ZNF534: variants seen among roughly 807,000 people sequenced by gnomAD.
The protein encoded by ZNF534 is KRAB domain only 3.
A neutral mutation model predicts 13.6 loss-of-function variants in ZNF534; 19 were observed. The ratio of observed to expected loss-of-function variants is 1.40; its 90% CI spans 0.97 to 2.05. The LOEUF (loss-of-function observed/expected upper bound fraction) is 2.05. Among genes scored for constraint, ZNF534 ranks in the 30% most tolerant of loss-of-function variants. The pLI is 0.00. For synonymous variants in ZNF534, 244 were observed against 273.8 expected (o/e 0.89, Z 1.07); for missense variants, 782 against 796.3 (o/e 0.98, Z 0.22).
rs1349850348 is a variant in ZNF534 at position 52,434,740 on chromosome 19, AAAAAAG to A, written c.143-337_143-332del. Among the ~76,000 whole-genome samples the A allele has an allele frequency of 2.6e-5, 4 of 151,668 alleles. No homozygotes were observed. In the East Asian group the frequency reaches 7.8e-4, roughly 29 times the overall value. ...AGTGAGACTCTGTCTCAAAAAAAAAAAAAAAGAAAGAAATGTCCCCTTTCTTCAGAT... is the reference window on the plus strand; with the variant it reads ...AGTGAGACTCTGTCTCAAAAAAAAAAAAAGAAATGTCCCCTTTCTTCAGAT... On this transcript the variant is annotated intron_variant, in intron 3 of 4. Coordinates refer to ENST00000433050, the MANE Select transcript of ZNF534 (RefSeq NM_001143938.3).
At chr19:52,445,724 CT>C, downstream of ZNF534, among the ~76,000 whole-genome samples, 1 of 10,742 alleles carries the variant, frequency 9.3e-5, no homozygotes, top group African/African-American at 3.4e-4. Flanking sequence ...CTAATTTACT[CT>C]TGCAGTCATT....
chr19:52,436,230 G>A (rs1599863016), intron 4 of ZNF534, among the ~76,000 whole-genome samples: 1 of 152,052 alleles, frequency 6.6e-6, no homozygotes, highest in Non-Finnish European at 1.5e-5. Context: ...GAGTCACCGT[G>A]CCCGGCCCTT....
At chr19:52,434,669 T>A (rs1292165696) in intron 3 of ZNF534, among the ~76,000 whole-genome samples, 7 of 148,726 alleles carry the variant, frequency 4.7e-5, no homozygotes. Context: ...AGGCAGGGGC[T>A]GCAGTGAGCT....
chr19:52,450,665 T>C (rs912130455), intron 4 of ZNF534, among the ~76,000 whole-genome samples: 3 of 144,944 alleles, frequency 2.1e-5, no homozygotes, highest in Admixed American at 7.0e-5. Flanking sequence ...CTATGAATTT[T>C]AGGAGTTTTT....
intron 2 of ZNF534, among the ~76,000 whole-genome samples, chr19:52,432,708 C>T (rs111804402): frequency 0.14 from 20,995 of 151,810 alleles, 1,782 homozygotes; most frequent in African/African-American, 0.25. Context: ...TCTCGGCTCA[C>T]TGCAACCTCT....
At chr19:52,447,173 C>G (rs1244592973), downstream of ZNF534, among the ~76,000 whole-genome samples, 3 of 152,180 alleles carry the variant, frequency 2.0e-5, no homozygotes, top group African/African-American at 7.2e-5. Context: ...AAAACCAGGA[C>G]AAAATGTCAT....
In ZNF534 at chr19:52,439,670, G is replaced by A. The variant is rs187989915; in HGVS notation, c.*224G>A. Among the ~76,000 whole-genome samples, 1,337 of 150,352 alleles carry A rather than the reference G, an allele frequency of 8.9e-3. 22 individuals carry two copies. Among genetic ancestry groups the A allele is most frequent in the African/African-American group, 0.031 (1,253 of 40,786 alleles). On this transcript the variant is annotated 3_prime_UTR_variant, in exon 5 of 5. Transcript: ENST00000433050. ...GCTACTCAGGAGGCTGAGGCAGGAGGATGGCATGAACCTGGGAGGCAGAGC... is the reference window on the plus strand; with the variant it reads ...GCTACTCAGGAGGCTGAGGCAGGAGAATGGCATGAACCTGGGAGGCAGAGC...
intron 4 of ZNF534, 96 bp from the exon 5 acceptor site, chr19:52,437,636 C>A: frequency 8.2e-7 from 1 of 1,224,712 alleles, no homozygotes; most frequent in Non-Finnish European, 1.1e-6. Context: ...CTGATAATTT[C>A]AATGTCTGAG....
In ZNF534 at chr19:52,433,787, G is replaced by A. The variant is rs1009014343; in HGVS notation, c.16-168G>A. 31 of 760,286 alleles carry A rather than the reference G, an allele frequency of 4.1e-5. No homozygotes were observed. In the Admixed American group the frequency reaches 4.4e-4, roughly 11 times the overall value. The allele number at this position is 760,286 out of a possible 1,614,324, so 47.1% of individuals were successfully genotyped here. On this transcript the variant is annotated intron_variant, in intron 2 of 4. Coordinates refer to ENST00000433050, the MANE Select transcript of ZNF534 (RefSeq NM_001143938.3). The stretch of plus-strand genomic sequence containing the variant: ...GAATGTCATCACTCCTTATGGAAAA[G>A]TATAATAAAACACAATCACAGACAC...
At chr19:52,446,876 T>C (rs1196065807), downstream of ZNF534, among the ~76,000 whole-genome samples, 1 of 152,174 alleles carries the variant, frequency 6.6e-6, no homozygotes, top group Non-Finnish European at 1.5e-5. Flanking sequence ...ACGTACAATT[T>C]ATTGTCTTAT....
intron 1 of ZNF534, among the ~76,000 whole-genome samples, chr19:52,430,606 A>G (rs145556755): frequency 1.4e-3 from 211 of 151,088 alleles, no homozygotes; most frequent in African/African-American, 4.9e-3. Flanking sequence ...GCTGGAGTGC[A>G]GTGTTAAAAT....
At chr19:52,451,850 G>T in exon 5 of ZNF534, 1 of 778,364 alleles carries the variant, frequency 1.3e-6, no homozygotes, top group Non-Finnish European at 2.2e-6. Context: ...GCTCATTTGT[G>T]AACGGATTTT....
At chr19:52,451,036 A>C (rs1599875059) in intron 4 of ZNF534, 2 of 467,290 alleles carry the variant, frequency 4.3e-6, no homozygotes, top group East Asian at 7.0e-5. Flanking sequence ...TGATATTTTG[A>C]AAGAGAATGT....
chr19:52,435,351 C>T (rs762976544), intron 4 of ZNF534, 142 bp downstream of exon 4: 45 of 1,029,536 alleles, frequency 4.4e-5, no homozygotes, highest in Non-Finnish European at 5.9e-5. Flanking sequence ...ATCCTTCTGG[C>T]TTGGTCTTCC....
At chr19:52,432,343 C>G (rs1037009107) in intron 2 of ZNF534, among the ~76,000 whole-genome samples, 1 of 152,128 alleles carries the variant, frequency 6.6e-6, no homozygotes, top group Non-Finnish European at 1.5e-5. Flanking sequence ...TGATCTGTTA[C>G]TTAACTGTCT....
chr19:52,438,236 A>G lies in ZNF534; in HGVS notation c.776A>G (p.Gln259Arg). ...TTCAATCAGAATTCACACCTTGCAC[A>G]ACATCAGAAAATTCATACTGGACAG... ...KVFNQNSHLA[Q>R]HQKIHTGQKP... is the part of the protein sequence containing the mutation. Residue 259 changes from glutamine (Q) to arginine (R), a missense_variant, in exon 5 of 5, where the codon CAA (glutamine) becomes CGA (arginine). Coordinates refer to ENST00000433050, the MANE Select transcript of ZNF534 (RefSeq NM_001143938.3). 6.2e-7 allele frequency: 1 copy of G among 1,614,032 alleles called. No individual in the cohort carries two copies. Among genetic ancestry groups the G allele is most frequent in the Non-Finnish European group, 8.5e-7 (1 of 1,179,964 alleles).
At chr19:52,445,957 C>A (rs2059193016), downstream of ZNF534, among the ~76,000 whole-genome samples, 1 of 152,134 alleles carries the variant, frequency 6.6e-6, no homozygotes, top group Non-Finnish European at 1.5e-5. Flanking sequence ...TGAAAGTTTT[C>A]TTTTGAGACA....
chr19:52,445,589 G>A (rs2059191691), downstream of ZNF534, among the ~76,000 whole-genome samples: 2 of 152,222 alleles, frequency 1.3e-5, no homozygotes, highest in Admixed American at 1.3e-4. Context: ...TTGTGTTCTT[G>A]GCAGACAATC....
At chr19:52,449,164 G>A (rs1273308055) in intron 4 of ZNF534, among the ~76,000 whole-genome samples, 1 of 152,148 alleles carries the variant, frequency 6.6e-6, no homozygotes, top group East Asian at 1.9e-4. Context: ...GACCCATGTT[G>A]CTGCCGCAAA....
Sources: gnomAD v4.1 joint callset for allele counts (sites outside exome capture counted in the v4.1 genomes callset) on GRCh38, gnomAD v4.1.1 for gene constraint, MANE v1.5 for transcripts, NCBI Gene and HGNC (gene_info 2026-07-23, HGNC 2026-07-21) for gene names.